CD44: variants seen among roughly 807,000 people sequenced by gnomAD.
CD44 encodes CD44 molecule (IN blood group), also known as CD44 antigen.
A neutral mutation model predicts 88.8 loss-of-function variants in CD44; 49 were observed. That is an observed-to-expected ratio of 0.55 (90% CI 0.44 to 0.70). The LOEUF is 0.70. Among genes scored for constraint, CD44 ranks in the 30% least tolerant of loss-of-function variants. The pLI is 0.00. For synonymous variants in CD44, 325 were observed against 312.3 expected (o/e 1.04, Z -0.43); for missense variants, 883 against 913.8 (o/e 0.97, Z 0.43).
At chr11:35,215,354 T>A (rs1249643727) in intron 15 of CD44, among the ~76,000 whole-genome samples, 1 of 152,232 alleles carries the variant, frequency 6.6e-6, no homozygotes, top group Non-Finnish European at 1.5e-5. Context: ...CAAGATGCTT[T>A]AAAGGGTCTG....
chr11:35,160,435 C>T (rs1298089933), intron 1 of CD44, among the ~76,000 whole-genome samples: 1 of 152,140 alleles, frequency 6.6e-6, no homozygotes, highest in Admixed American at 6.6e-5. Context: ...GGCTAGTCCA[C>T]CCTGTCTGAC....
chr11:35,207,999 CT>C (rs1300973742), intron 11 of CD44, 105 bp from the exon 12 acceptor site: 6 of 693,542 alleles, frequency 8.7e-6, no homozygotes, highest in Non-Finnish European at 1.6e-5. Context: ...GCTTTCTTTC[CT>C]CTTGGCCAGA....
chr11:35,202,054 C>A (rs999236558), intron 9 of CD44, among the ~76,000 whole-genome samples: 2 of 152,118 alleles, frequency 1.3e-5, no homozygotes, highest in Admixed American at 6.5e-5. Context: ...CCTAGAGGTT[C>A]CATTTGGGTA....
At chr11:35,223,251 T>A in intron 17 of CD44, 1 of 985,138 alleles carries the variant, frequency 1.0e-6, no homozygotes, top group Non-Finnish European at 1.2e-6. Flanking sequence ...TTACAAAGAG[T>A]CTTTATACCT....
At chr11:35,225,318 A>G (rs2421825) in intron 17 of CD44, among the ~76,000 whole-genome samples, 121,781 of 152,098 alleles carry the variant, frequency 0.8, 49,238 homozygotes, top group East Asian at 0.91. Context: ...TAAATCTTTT[A>G]AGATAAATTC....
intron 15 of CD44, among the ~76,000 whole-genome samples, chr11:35,217,069 G>T (rs138122826): frequency 3.0e-4 from 46 of 152,262 alleles, no homozygotes; most frequent in African/African-American, 1.1e-3. Context: ...TACCCTGGCT[G>T]GATTTGTAGA....
chr11:35,230,410 A>G lies in CD44; in HGVS notation c.*1077A>G, dbSNP rs1950005238. The G allele has an allele frequency of 6.6e-6, 1 of 152,150 alleles. No individual in the cohort carries two copies. The highest frequency in any genetic ancestry group is 1.5e-5 in the Non-Finnish European group (1 of 68,006). The allele number at this position is 152,150 out of a possible 1,614,324, so 9.4% of individuals were successfully genotyped here. A position where few individuals can be genotyped will look rare whatever the true frequency, so the allele number is the denominator to read the frequency against. On this transcript the variant is annotated 3_prime_UTR_variant, in exon 18 of 18. Coordinates refer to ENST00000428726, the MANE Select transcript of CD44 (RefSeq NM_000610.4). ...GCCCTATTTCATAGAGGCTGGCCCT[A>G]TTAGTGATTTCCAAAAACAATATGG...
chr11:35,163,599 G>A (rs1226460961), intron 1 of CD44, among the ~76,000 whole-genome samples: 2 of 152,102 alleles, frequency 1.3e-5, no homozygotes, highest in Non-Finnish European at 2.9e-5. Flanking sequence ...TCCCTACAGG[G>A]TCAGCCCTGT....
intron 11 of CD44, among the ~76,000 whole-genome samples, chr11:35,206,671 G>GGGT (rs1554971941): frequency 2.1e-5 from 3 of 145,112 alleles, no homozygotes; most frequent in East Asian, 2.4e-4. Context: ...GGGGTTGGTG[G>GGGT]GGGGGGCAGT....
chr11:35,150,107 C>G (rs1860018983), intron 1 of CD44, among the ~76,000 whole-genome samples: 1 of 152,198 alleles, frequency 6.6e-6, no homozygotes, highest in African/African-American at 2.4e-5. Flanking sequence ...AAGCCAACCT[C>G]TGAAGAAGAG....
At chr11:35,180,166 G>A (rs1269677737) in intron 2 of CD44, 108 bp from the exon 3 acceptor site, 7 of 1,101,996 alleles carry the variant, frequency 6.4e-6, no homozygotes, top group African/African-American at 1.5e-5. Context: ...ATATCCCTAG[G>A]GGTGAACTGA....
In CD44 at chr11:35,229,591, C is replaced by T; in HGVS notation, c.*258C>T. The T allele has an allele frequency of 2.1e-6, 1 of 468,690 alleles. No individual in the cohort carries two copies. The highest frequency in any genetic ancestry group is 2.6e-5 in the South Asian group (1 of 38,508). The allele number at this position is 468,690 out of a possible 1,614,324, so 29.0% of individuals were successfully genotyped here. A position where few individuals can be genotyped will look rare whatever the true frequency, so the allele number is the denominator to read the frequency against. On this transcript the variant is annotated 3_prime_UTR_variant, in exon 18 of 18. Transcript: ENST00000428726. ...GATCGTTCCAGTTCCCACTTGGAGG[C>T]CTTTCATCCCTCGGGTGTGCTATGG...
chr11:35,225,084 T>A (rs1327863434), intron 17 of CD44, among the ~76,000 whole-genome samples: 2 of 152,236 alleles, frequency 1.3e-5, no homozygotes, highest in Admixed American at 1.3e-4. Context: ...GTCCAATATA[T>A]AACTACTAGC....
Position 35,204,597 on chromosome 11 carries a change from C to G in CD44, c.1239C>G (p.Arg413=). 1 of 1,613,220 alleles carries G rather than the reference C, an allele frequency of 6.2e-7. No homozygotes were observed. Among genetic ancestry groups the G allele is most frequent in the Non-Finnish European group, 8.5e-7 (1 of 1,179,300 alleles). The part of the protein sequence containing the change: ...WFGNRWHEGY[R]QTPKEDSHST... ...GCAACAGATGGCATGAGGGATATCG[C>G]CAAACACCCAAAGAAGACTCCCATT... The change falls in exon 10 of 18, where the codon CGC becomes CGG. Residue 413 remains arginine, a synonymous_variant. Transcript: ENST00000428726.
intron 1 of CD44, among the ~76,000 whole-genome samples, chr11:35,141,418 G>A (rs1857908756): frequency 6.6e-6 from 1 of 152,194 alleles, no homozygotes; most frequent in Non-Finnish European, 1.5e-5. Flanking sequence ...ATTCAGGATG[G>A]GAGAGAAGAG....
intron 10 of CD44, 110 bp downstream of exon 10, chr11:35,204,750 T>C (rs1292611507): frequency 1.0e-6 from 1 of 974,908 alleles, no homozygotes; most frequent in Non-Finnish European, 1.5e-6. Flanking sequence ...CACGAGATGT[T>C]AGGTTACTTA....
At chr11:35,222,372 T>C (rs1292518360) in intron 17 of CD44, 2 of 1,275,392 alleles carry the variant, frequency 1.6e-6, no homozygotes, top group East Asian at 1.1e-4. Flanking sequence ...CTGGGAACTG[T>C]AGTTGAAGAG....
intron 1 of CD44, among the ~76,000 whole-genome samples, chr11:35,140,406 A>T (rs942675069): frequency 2.0e-5 from 3 of 152,230 alleles, no homozygotes; most frequent in African/African-American, 7.2e-5. Flanking sequence ...TCATTAAGAC[A>T]GCTCAGCCTG....
At chr11:35,195,976 C>T (rs1946700486) in intron 5 of CD44, among the ~76,000 whole-genome samples, 1 of 152,074 alleles carries the variant, frequency 6.6e-6, no homozygotes, top group Non-Finnish European at 1.5e-5. Context: ...GTCATTTTCC[C>T]TGTGTGTTGG....
Sources: gnomAD v4.1 joint callset for allele counts (sites outside exome capture counted in the v4.1 genomes callset) on GRCh38, gnomAD v4.1.1 for gene constraint, MANE v1.5 for transcripts, NCBI Gene and HGNC (gene_info 2026-07-23, HGNC 2026-07-21) for gene names.